The following EZR variants were observed in gnomAD, a reference collection of about 807,000 sequenced individuals.
The protein encoded by EZR is cytovillin 2.
EZR carries 40 observed loss-of-function variants against 74.8 expected under a neutral mutation model. The ratio of observed to expected loss-of-function variants is 0.53; its 90% CI spans 0.42 to 0.70. The LOEUF is 0.70. Ranked by LOEUF, EZR falls within the 30% of genes least tolerant of loss-of-function variation. The probability of loss-of-function intolerance (pLI) is 0.00; values close to 1 mark genes in which losing one functional copy is unlikely to be tolerated. For missense variants in EZR, 678 were observed against 755.8 expected, an observed-to-expected ratio of 0.90 and a Z score of 1.21; for synonymous variants, 341 against 283.3, an observed-to-expected ratio of 1.20 and a Z score of -2.05.
intron 1 of EZR, 105 bp from the exon 2 acceptor site, chr6:158,818,271 A>T: frequency 5.9e-6 from 3 of 509,908 alleles, no homozygotes; most frequent in South Asian, 3.3e-5. Context: ...AGAACCGGCC[A>T]GCCCGGGCCC....
At chr6:158,770,046 G>GT in intron 10 of EZR, 102 bp from the exon 11 acceptor site, 4 of 1,476,476 alleles carry the variant, frequency 2.7e-6, no homozygotes, top group Non-Finnish European at 3.7e-6. Context: ...CCTAGACCAA[G>GT]TCACAGGTTG....
At chr6:158,786,231 G>A (rs979366671) in intron 4 of EZR, among the ~76,000 whole-genome samples, 5 of 151,970 alleles carry the variant, frequency 3.3e-5, no homozygotes, top group Non-Finnish European at 5.9e-5. Context: ...AAAATTAGCC[G>A]GGCATGATGG....
rs145707875 is a variant in EZR at position 158,817,353 on chromosome 6, G to A, written c.12+729C>T. Among the ~76,000 whole-genome samples, 62 of 152,248 alleles carry A rather than the reference G, an allele frequency of 4.1e-4. 1 individual carries two copies. Among genetic ancestry groups the A allele is most frequent in the Admixed American group, 3.6e-3 (55 of 15,298 alleles). ...CTTGTGCCTACAACCCCCAGGTCTC[G>A]CCAGCAATCTCAACACAATCAGATT... is the stretch of plus-strand genomic sequence containing the variant. On this transcript the variant is annotated intron_variant, in intron 2 of 13. Transcript: ENST00000367075.
intron 7 of EZR, among the ~76,000 whole-genome samples, chr6:158,776,836 T>A (rs543891189): frequency 6.6e-6 from 1 of 152,328 alleles, no homozygotes; most frequent in African/African-American, 2.4e-5. Flanking sequence ...AGGTATCTTC[T>A]GCTGTTCATT....
intron 7 of EZR, 81 bp from the exon 8 acceptor site, chr6:158,776,585 CTTA>C: frequency 1.1e-6 from 1 of 944,412 alleles, no homozygotes; most frequent in Non-Finnish European, 1.6e-6. Flanking sequence ...CAAATCAATT[CTTA>C]TTAGTTCAAT....
chr6:158,768,073 T>C (rs1790965205), intron 12 of EZR, among the ~76,000 whole-genome samples: 2 of 151,806 alleles, frequency 1.3e-5, no homozygotes, highest in Non-Finnish European at 2.9e-5. Flanking sequence ...CCCACCCAAA[T>C]CTCATCTCCA....
chr6:158,797,241 G>A (rs963685566), intron 2 of EZR, among the ~76,000 whole-genome samples: 1 of 152,124 alleles, frequency 6.6e-6, no homozygotes, highest in African/African-American at 2.4e-5. Flanking sequence ...AGCAACCCTT[G>A]AGTCTTAGAC....
chr6:158,781,608 T>C (rs1286144034), intron 7 of EZR, among the ~76,000 whole-genome samples: 2 of 152,308 alleles, frequency 1.3e-5, no homozygotes, highest in East Asian at 1.9e-4. Flanking sequence ...AATCTGGTCA[T>C]TGAAGAGATT....
intron 2 of EZR, among the ~76,000 whole-genome samples, chr6:158,812,819 C>T (rs1421542547): frequency 2.0e-5 from 3 of 152,146 alleles, no homozygotes; most frequent in Non-Finnish European, 2.9e-5. Context: ...AAGCCAGAAA[C>T]GAGAAGTCAG....
intron 10 of EZR, 134 bp from the exon 11 acceptor site, chr6:158,770,078 C>T (rs2128565175): frequency 4.1e-6 from 5 of 1,210,186 alleles, no homozygotes; most frequent in Non-Finnish European, 4.6e-6. Context: ...TCCAGTGACC[C>T]TGGAGGAAAG....
At chr6:158,795,043 G>C (rs1025321167) in intron 2 of EZR, among the ~76,000 whole-genome samples, 1 of 152,090 alleles carries the variant, frequency 6.6e-6, no homozygotes, top group African/African-American at 2.4e-5. Flanking sequence ...TTGATGTCAG[G>C]AGTTCAAGAC....
At chr6:158,807,347 AAGGCTGGATC>A (rs952578423) in intron 2 of EZR, among the ~76,000 whole-genome samples, 22 of 151,704 alleles carry the variant, frequency 1.5e-4, no homozygotes, top group Non-Finnish European at 2.8e-4. Context: ...CAAAAAAGAC[AAGGCTGGATC>A]CCAAGACATA....
intron 10 of EZR, 132 bp downstream of exon 10, chr6:158,770,632 T>C (rs1270188778): frequency 1.0e-6 from 1 of 992,572 alleles, no homozygotes; most frequent in East Asian, 2.4e-5. Context: ...CATTTTATCA[T>C]TTCGGCTGTG....
At chr6:158,767,229 G>A (rs1213407131) in intron 13 of EZR, 32 bp downstream of exon 13, 1 of 1,595,388 alleles carries the variant, frequency 6.3e-7, no homozygotes, top group South Asian at 1.1e-5. Flanking sequence ...AGCGAGGCAG[G>A]CTCCCTGGAG....
intron 9 of EZR, among the ~76,000 whole-genome samples, 154 bp from the exon 10 acceptor site, chr6:158,771,048 C>G (rs1221399744): frequency 1.3e-5 from 2 of 152,226 alleles, no homozygotes; most frequent in Non-Finnish European, 2.9e-5. Context: ...GACGGAGCAG[C>G]CGCTCCAGGG....
chr6:158,802,368 G>T (rs1338251991), intron 2 of EZR, among the ~76,000 whole-genome samples: 1 of 152,114 alleles, frequency 6.6e-6, no homozygotes, highest in Admixed American at 6.5e-5. Flanking sequence ...CTGCCAGCAA[G>T]TCTGGCAGAA....
chr6:158,804,693 T>C lies in EZR; in HGVS notation c.12+13389A>G, dbSNP rs147614330. ...TAAAGGCCTATAGATTAAACATCAC[T>C]ATTCACCTGGAATGCATGGTTGTCT... On this transcript the variant is annotated intron_variant, in intron 2 of 13. Transcript: ENST00000367075. Among the ~76,000 whole-genome samples the C allele has an allele frequency of 1.2e-3, 178 of 150,744 alleles. 1 individual carries two copies. The highest frequency in any genetic ancestry group is 4.1e-3 in the African/African-American group (171 of 41,258).
chr6:158,769,308 T>G lies in EZR; in HGVS notation c.1344+18A>C. 1 of 1,604,946 alleles carries G rather than the reference T, an allele frequency of 6.2e-7. No individual in the cohort carries two copies. Among genetic ancestry groups the G allele is most frequent in the Admixed American group, 1.7e-5 (1 of 59,990 alleles). On this transcript the variant is annotated intron_variant, in intron 12 of 13. Transcript: ENST00000367075. ...CAGGTGCTGTGGCCGTGCGGAGGTG[T>G]CCCCCGTGCAGACTCACCCTGTGCT... is the stretch of plus-strand genomic sequence containing the variant.
At chr6:158,792,936 C>T (rs530136395) in intron 2 of EZR, among the ~76,000 whole-genome samples, 1 of 152,192 alleles carries the variant, frequency 6.6e-6, no homozygotes, top group East Asian at 1.9e-4. Context: ...TTAGCTGGTC[C>T]GATCATTCCA....
Sources: allele counts gnomAD v4.1 joint callset (sites outside exome capture counted in the v4.1 genomes callset), GRCh38; gene constraint gnomAD v4.1.1; transcripts MANE v1.5; gene names NCBI Gene and HGNC (gene_info 2026-07-23, HGNC 2026-07-21).